The following SQOR variants were observed in gnomAD, a reference collection of about 807,000 sequenced individuals.
The protein encoded by SQOR is sulfide:quinone oxidoreductase, mitochondrial.
In SQOR, 39 loss-of-function variants were observed where a neutral mutation model predicts 48.6. That is an observed-to-expected ratio of 0.80 (90% confidence interval 0.62 to 1.05). SQOR has a LOEUF of 1.05. Among genes scored for constraint, SQOR ranks in the 50% least tolerant of loss-of-function variants. The pLI is 0.00. For missense variants in SQOR, 561 were observed against 559.9 expected (o/e 1.00, Z -0.02); for synonymous variants, 220 against 206.2 (o/e 1.07, Z -0.57).
At chr15:45,669,869 A>G (rs1046638574) in intron 3 of SQOR, 59 bp from the exon 4 acceptor site, 1 of 1,446,988 alleles carries the variant, frequency 6.9e-7, no homozygotes, top group Non-Finnish European at 9.7e-7. Flanking sequence ...GGCCTGAGTC[A>G]GTCCTTGAGT....
intron 6 of SQOR, among the ~76,000 whole-genome samples, chr15:45,679,187 T>C (rs1890084426): frequency 6.6e-6 from 1 of 152,208 alleles, no homozygotes; most frequent in Non-Finnish European, 1.5e-5. Context: ...TCAGGTCAGA[T>C]ATTTAGTTCC....
intron 1 of SQOR, among the ~76,000 whole-genome samples, chr15:45,656,328 T>A (rs2140945941): frequency 6.6e-6 from 1 of 152,234 alleles, no homozygotes; most frequent in East Asian, 1.9e-4. Context: ...TGAGACAGGG[T>A]CTCCCTCTCT....
upstream of SQOR, among the ~76,000 whole-genome samples, chr15:45,633,558 G>A (rs1329522605): frequency 6.6e-6 from 1 of 151,998 alleles, no homozygotes; most frequent in Non-Finnish European, 1.5e-5. Flanking sequence ...GCCATGGGTG[G>A]TGGTGGATGC....
At position 45,662,114 on chromosome 15, in the gene SQOR, G is replaced by A; in HGVS notation, c.394G>A (p.Asp132Asn). ...NPDKNCIHTDDDEKISYRYLI... is the reference protein window; with the variant it reads ...NPDKNCIHTDNDEKISYRYLI... The stretch of plus-strand genomic sequence containing the variant: ...AGACAAGAACTGCATTCACACAGAT[G>A]ACGACGAGAAGGTAACCACTGAGGC... Residue 132 changes from aspartate (D) to asparagine (N), a missense_variant, in exon 3 of 10, where the codon GAC (aspartate) becomes AAC (asparagine). Physicochemically the swap from Asp to Asn is conservative, Grantham distance 23 (BLOSUM62 1). Transcript: ENST00000260324. 6.2e-7 allele frequency: 1 copy of A among 1,613,900 alleles called. No individual in the cohort carries two copies. The highest frequency in any genetic ancestry group is 2.2e-5 in the East Asian group (1 of 44,882).
At chr15:45,666,976 C>T (rs1174883038) in intron 3 of SQOR, among the ~76,000 whole-genome samples, 1 of 58,468 alleles carries the variant, frequency 1.7e-5, no homozygotes, top group Non-Finnish European at 3.5e-5. Context: ...TCTCCTTTCT[C>T]CCCTCTCCTC....
intron 4 of SQOR, 130 bp downstream of exon 4, chr15:45,670,111 C>T: frequency 1.2e-6 from 1 of 813,950 alleles, no homozygotes. Context: ...GGTTTTATTT[C>T]TTGGCAGTCC....
chr15:45,690,801 A>G (rs1466771709), intron 9 of SQOR, among the ~76,000 whole-genome samples, 172 bp from the exon 10 acceptor site: 2 of 152,222 alleles, frequency 1.3e-5, no homozygotes, highest in African/African-American at 4.8e-5. Context: ...TAGGAATGGA[A>G]GTAGGTTGTC....
chr15:45,683,837 T>C (rs1184245025), intron 7 of SQOR, among the ~76,000 whole-genome samples: 1 of 151,984 alleles, frequency 6.6e-6, no homozygotes, highest in Admixed American at 6.6e-5. Flanking sequence ...TATATGTATA[T>C]TATGTATGTA....
Position 45,659,122 on chromosome 15 carries a change from G to C in SQOR, c.199G>C (p.Gly67Arg). Residue 67 changes from glycine (G) to arginine (R), a missense_variant, in exon 2 of 10, where the codon GGT becomes CGT. By Grantham distance (125) the Gly-to-Arg change is moderately radical. Coordinates refer to ENST00000260324, the MANE Select transcript of SQOR (RefSeq NM_021199.4). ...TMAARMKRKV[G>R]AENVAIVEPS... ...GGCTGCCCGCATGAAGAGGAAAGTG[G>C]GTGCAGAGAATGTGGCCATTGTTGA... 6.4e-6 allele frequency: 10 copies of C among 1,568,520 alleles called. No homozygotes were observed. Among genetic ancestry groups the C allele is most frequent in the Non-Finnish European group, 8.7e-6 (10 of 1,155,070 alleles).
In SQOR at chr15:45,662,119, C is replaced by T. The variant is rs770249680; in HGVS notation, c.399C>T (p.Asp133=). The T allele has an allele frequency of 3.1e-5, 50 of 1,613,484 alleles. No individual in the cohort carries two copies. Among genetic ancestry groups the T allele is most frequent in the Admixed American group, 5.0e-5 (3 of 59,938 alleles). ...PDKNCIHTDD[D]EKISYRYLII... ...AGAACTGCATTCACACAGATGACGACGAGAAGGTAACCACTGAGGCCTTTA... is the reference window on the plus strand; with the variant it reads ...AGAACTGCATTCACACAGATGACGATGAGAAGGTAACCACTGAGGCCTTTA... The change falls in exon 3 of 10, where the codon GAC becomes GAT. Residue 133 remains aspartate (D), a synonymous_variant. Coordinates refer to ENST00000260324, the MANE Select transcript of SQOR (RefSeq NM_021199.4).
intron 6 of SQOR, among the ~76,000 whole-genome samples, chr15:45,679,752 T>C (rs1403958264): frequency 2.0e-5 from 3 of 152,230 alleles, no homozygotes; most frequent in African/African-American, 7.2e-5. Flanking sequence ...TTTTTCTTTG[T>C]AAATGAACCT....
intron 1 of SQOR, among the ~76,000 whole-genome samples, chr15:45,642,327 C>T (rs1333835648): frequency 1.3e-5 from 2 of 152,184 alleles, no homozygotes; most frequent in Non-Finnish European, 2.9e-5. Context: ...CCAATGACTG[C>T]TCAGCTCCAG....
chr15:45,642,151 G>T (rs1895115383), intron 1 of SQOR, among the ~76,000 whole-genome samples: 1 of 152,166 alleles, frequency 6.6e-6, no homozygotes, highest in South Asian at 2.1e-4. Flanking sequence ...AGCTTCCCCT[G>T]GGGACTCTTT....
chr15:45,651,040 G>A (rs1306822606), intron 1 of SQOR, among the ~76,000 whole-genome samples: 1 of 152,174 alleles, frequency 6.6e-6, no homozygotes, highest in African/African-American at 2.4e-5. Context: ...GCGGTCAATG[G>A]GACAGGGCAT....
chr15:45,673,281 G>A (rs1159689179), intron 4 of SQOR, among the ~76,000 whole-genome samples: 2 of 152,164 alleles, frequency 1.3e-5, no homozygotes, highest in Non-Finnish European at 2.9e-5. Flanking sequence ...TCTTTCCAGT[G>A]AGGCAACTGG....
chr15:45,672,282 C>T (rs1451977718), intron 4 of SQOR, among the ~76,000 whole-genome samples: 1 of 152,058 alleles, frequency 6.6e-6, no homozygotes, highest in Non-Finnish European at 1.5e-5. Flanking sequence ...GGTTAATATT[C>T]CCCTGCCTCC....
At chr15:45,649,147 A>T (rs1889411499) in intron 1 of SQOR, among the ~76,000 whole-genome samples, 1 of 152,352 alleles carries the variant, frequency 6.6e-6, no homozygotes, top group East Asian at 1.9e-4. Flanking sequence ...TGACACAGGC[A>T]GTCTGTATTG....
At chr15:45,650,627 A>C (rs1167111764) in intron 1 of SQOR, among the ~76,000 whole-genome samples, 3 of 152,172 alleles carry the variant, frequency 2.0e-5, no homozygotes, top group Non-Finnish European at 4.4e-5. Flanking sequence ...GGCCCCACCC[A>C]CATCCTGCTG....
At chr15:45,674,411 G>A (rs942689095) in intron 5 of SQOR, among the ~76,000 whole-genome samples, 1 of 151,486 alleles carries the variant, frequency 6.6e-6, no homozygotes, top group African/African-American at 2.4e-5. Flanking sequence ...TTGCACTCCA[G>A]CCTGGGCAAC....
Sources: gnomAD v4.1 joint callset for allele counts (sites outside exome capture counted in the v4.1 genomes callset) on GRCh38, gnomAD v4.1.1 for gene constraint, MANE v1.5 for transcripts, NCBI Gene and HGNC (gene_info 2026-07-23, HGNC 2026-07-21) for gene names.